The following FBLIM1 variants were observed in gnomAD, a reference collection of about 807,000 sequenced individuals.
FBLIM1 encodes filamin binding LIM protein 1.
FBLIM1 carries 29 observed loss-of-function variants against 37.4 expected under a neutral mutation model. That is an observed-to-expected ratio of 0.77 (90% confidence interval 0.58 to 1.06). FBLIM1 has a LOEUF of 1.06. FBLIM1 is among the 50% of genes least tolerant of loss of function. The probability of loss-of-function intolerance (pLI) is 0.00; values close to 1 mark genes in which losing one functional copy is unlikely to be tolerated. For missense variants in FBLIM1, 449 were observed against 505.6 expected (o/e 0.89, Z 1.07); for synonymous variants, 193 against 199.0 (o/e 0.97, Z 0.25).
intron 1 of FBLIM1, among the ~76,000 whole-genome samples, chr1:15,763,961 G>A (rs1274642980): frequency 6.6e-6 from 1 of 152,114 alleles, no homozygotes; most frequent in Non-Finnish European, 1.5e-5. Flanking sequence ...TTGAGTAAAG[G>A]AGAAAGAGAT....
intron 6 of FBLIM1, among the ~76,000 whole-genome samples, chr1:15,772,941 C>A (rs916317405): frequency 6.6e-6 from 1 of 152,028 alleles, no homozygotes; most frequent in Non-Finnish European, 1.5e-5. Flanking sequence ...CCCACCACCA[C>A]GCCCGGCTAT....
At chr1:15,764,810 C>T in intron 2 of FBLIM1, 125 bp downstream of exon 2, 2 of 936,282 alleles carry the variant, frequency 2.1e-6, no homozygotes, top group Non-Finnish European at 3.2e-6. Context: ...GACACCCCCA[C>T]CCCTTCTCTG....
At chr1:15,759,715 G>C (rs1407790929) in intron 1 of FBLIM1, among the ~76,000 whole-genome samples, 1 of 152,182 alleles carries the variant, frequency 6.6e-6, no homozygotes, top group Non-Finnish European at 1.5e-5. Context: ...AACGAGGCCA[G>C]AGAGTTTCTG....
At chr1:15,777,339 C>G (rs775811226) in intron 8 of FBLIM1, 52 bp downstream of exon 8, 1 of 1,409,584 alleles carries the variant, frequency 7.1e-7, no homozygotes, top group Admixed American at 1.8e-5. Context: ...GTGCCAGGCC[C>G]TTAGCTGGGT....
rs191071990 is a variant in FBLIM1 at position 15,784,821 on chromosome 1, C to T, written c.*160C>T. Reference sequence around the variant, plus strand: ...CTGTCCAGGATACAGTGGGGCTGAGCACCCCCAGGCCTTCCACTCCTCTAC... The same window carrying T: ...CTGTCCAGGATACAGTGGGGCTGAGTACCCCCAGGCCTTCCACTCCTCTAC... On this transcript the variant is annotated 3_prime_UTR_variant, in exon 9 of 9. Transcript: ENST00000375766. 1.6e-3 allele frequency: 896 copies of T among 551,446 alleles called. 6 individuals carry two copies. Among genetic ancestry groups the T allele is most frequent in the East Asian group, 7.5e-3 (258 of 34,238 alleles). 34.2% of individuals were successfully genotyped at this position (551,446 alleles called of 1,614,324 possible). A position where few individuals can be genotyped will look rare whatever the true frequency, so the allele number is the denominator to read the frequency against.
chr1:15,757,064 T>C (rs1309706831), upstream of FBLIM1, among the ~76,000 whole-genome samples: 1 of 152,084 alleles, frequency 6.6e-6, no homozygotes, highest in Non-Finnish European at 1.5e-5. This position sits in a 1 kb window ranked among gnomAD's most constrained non-coding sequence, Gnocchi z 4.1. Flanking sequence ...TATGGGGAAG[T>C]CTCCTCCAAA....
At chr1:15,779,815 G>A (rs186137243) in intron 8 of FBLIM1, among the ~76,000 whole-genome samples, 110 of 152,284 alleles carry the variant, frequency 7.2e-4, no homozygotes, top group South Asian at 1.9e-3. Flanking sequence ...GTGGCTTGGT[G>A]ATCAGAAGGG....
chr1:15,768,704 A>T, intron 5 of FBLIM1, 74 bp downstream of exon 5: 4 of 1,201,934 alleles, frequency 3.3e-6, no homozygotes, highest in Non-Finnish European at 4.6e-6. Context: ...AGAAACCAAG[A>T]GAGTGAGGAC....
At position 15,765,297 on chromosome 1, in the gene FBLIM1, G is replaced by T; in HGVS notation, c.250+64G>T. ...GGCAGAGGTGGGGAGGAAAGGGCAG[G>T]CTCCAGCGTCATTCATTCATTCATT... On this transcript the variant is annotated intron_variant, in intron 3 of 8. Coordinates refer to ENST00000375766, the MANE Select transcript of FBLIM1 (RefSeq NM_017556.4). The surrounding 1 kb of genome is among the most constrained non-coding windows in gnomAD (Gnocchi z 5.9). 6.6e-7 allele frequency: 1 copy of T among 1,524,668 alleles called. No homozygotes were observed. The highest frequency in any genetic ancestry group is 1.4e-5 in the African/African-American group (1 of 71,998). 94.4% of individuals were successfully genotyped at this position (1,524,668 alleles called of 1,614,324 possible). A position where few individuals can be genotyped will look rare whatever the true frequency, so the allele number is the denominator to read the frequency against.
At chr1:15,773,623 G>A (rs944089690) in intron 6 of FBLIM1, among the ~76,000 whole-genome samples, 41 of 148,182 alleles carry the variant, frequency 2.8e-4, no homozygotes, top group African/African-American at 9.9e-4. Flanking sequence ...AGGTTGTGGT[G>A]AGCCAAGATT....
At chr1:15,756,899 C>A (rs1433880543), upstream of FBLIM1, among the ~76,000 whole-genome samples, 2 of 152,186 alleles carry the variant, frequency 1.3e-5, no homozygotes, top group Non-Finnish European at 2.9e-5. Flanking sequence ...CAGGGGCTGT[C>A]ATGGAGGTGA....
At chr1:15,783,606 C>A (rs1222122879) in intron 8 of FBLIM1, among the ~76,000 whole-genome samples, 1 of 125,432 alleles carries the variant, frequency 8.0e-6, no homozygotes, top group Non-Finnish European at 1.6e-5. Context: ...GATGGAGTCT[C>A]GCTCTGTCAC....
chr1:15,767,580 G>T lies in FBLIM1; in HGVS notation c.438+17G>T. On this transcript the variant is annotated intron_variant, in intron 4 of 8. Coordinates refer to ENST00000375766, the MANE Select transcript of FBLIM1 (RefSeq NM_017556.4). ...CCACCACAGGTACTGCCTGCCCCCC[G>T]ACCCCCAGCAATCCCTTGGTCCCCT... 1.5e-6 allele frequency: 1 copy of T among 647,962 alleles called. No homozygotes were observed. The highest frequency in any genetic ancestry group is 2.1e-6 in the Non-Finnish European group (1 of 471,214). The allele number at this position is 647,962 out of a possible 1,614,324, so 40.1% of individuals were successfully genotyped here.
At chr1:15,768,907 G>T (rs928765045) in intron 5 of FBLIM1, among the ~76,000 whole-genome samples, 1 of 152,032 alleles carries the variant, frequency 6.6e-6, no homozygotes, top group African/African-American at 2.4e-5. Context: ...AACACCTAAT[G>T]CCCTCACACA....
Position 15,784,944 on chromosome 1 carries a change from C to A in FBLIM1, c.*283C>A. On this transcript the variant is annotated 3_prime_UTR_variant, in exon 9 of 9. Coordinates refer to ENST00000375766, the MANE Select transcript of FBLIM1 (RefSeq NM_017556.4). Reference sequence around the variant, plus strand: ...CAGGGAAAAGCTGGGGGAGGTTGGACCCCTCTCACTGACTAGCTGTCTGGT... The same window carrying A: ...CAGGGAAAAGCTGGGGGAGGTTGGAACCCTCTCACTGACTAGCTGTCTGGT... 1 of 331,474 alleles carries A rather than the reference C, an allele frequency of 3.0e-6. No homozygotes were observed. The highest frequency in any genetic ancestry group is 5.6e-6 in the Non-Finnish European group (1 of 177,280). The allele number at this position is 331,474 out of a possible 1,614,324, so 20.5% of individuals were successfully genotyped here. A position where few individuals can be genotyped will look rare whatever the true frequency, so the allele number is the denominator to read the frequency against.
At chr1:15,772,148 A>G (rs957401001) in intron 6 of FBLIM1, among the ~76,000 whole-genome samples, 1 of 152,154 alleles carries the variant, frequency 6.6e-6, no homozygotes, top group Non-Finnish European at 1.5e-5. Flanking sequence ...AGCATTTTGA[A>G]TCAGTGTCTC....
chr1:15,780,187 G>A (rs2069600101), intron 8 of FBLIM1, among the ~76,000 whole-genome samples: 1 of 151,240 alleles, frequency 6.6e-6, no homozygotes, highest in Non-Finnish European at 1.5e-5. Flanking sequence ...CACTGCGCAC[G>A]GCCTGAAATT....
chr1:15,775,221 CAAAAAAAA>C (rs34843894), intron 7 of FBLIM1: 2 of 48,354 alleles, frequency 4.1e-5, no homozygotes, highest in African/African-American at 7.7e-5. Context: ...GACTCCGTCT[CAAAAAAAA>C]AAAAAAAAAA....
In FBLIM1 at chr1:15,769,058, G is replaced by A. The variant is rs374773274; in HGVS notation, c.541+428G>A. 3.9e-5 allele frequency among the ~76,000 whole-genome samples: 6 copies of A among 152,156 alleles called. No homozygotes were observed. In the East Asian group the frequency reaches 7.7e-4, roughly 20 times the overall value. Reference sequence around the variant, plus strand: ...CCTGCCAAAGACACTATGCACATACGAGCAAATACAAATATGTGTCCACCT... The same window carrying A: ...CCTGCCAAAGACACTATGCACATACAAGCAAATACAAATATGTGTCCACCT... On this transcript the variant is annotated intron_variant, in intron 5 of 8. Coordinates refer to ENST00000375766, the MANE Select transcript of FBLIM1 (RefSeq NM_017556.4).
Sources: gnomAD v4.1 joint callset for allele counts (sites outside exome capture counted in the v4.1 genomes callset) on GRCh38, gnomAD v4.1.1 for gene constraint, Gnocchi (gnomAD v3.1) non-coding constraint, MANE v1.5 for transcripts, NCBI Gene and HGNC (gene_info 2026-07-23, HGNC 2026-07-21) for gene names.